The following CDH13 variants were observed in gnomAD, a reference collection of about 807,000 sequenced individuals.
CDH13 encodes the protein cadherin-13.
In CDH13, 24 loss-of-function variants were observed where a neutral mutation model predicts 63.8. The observed-to-expected ratio is 0.38, with a 90% confidence interval of 0.27 to 0.53. CDH13 has a LOEUF of 0.53. CDH13 is among the 20% of genes least tolerant of loss of function. CDH13 has a pLI of 0.85. For missense variants in CDH13, 1,049 were observed against 903.1 expected (o/e 1.16, Z -2.07); for synonymous variants, 503 against 355.3 (o/e 1.42, Z -4.67).
chr16:82,877,778 A>G (rs11150507), intron 2 of CDH13, among the ~76,000 whole-genome samples: 113,841 of 151,132 alleles, frequency 0.75, 43,156 homozygotes, highest in East Asian at 0.88. Flanking sequence ...CTTGCTTTAC[A>G]CACAGCCACC....
intron 6 of CDH13, among the ~76,000 whole-genome samples, chr16:83,434,624 T>C (rs1598011867): frequency 6.6e-6 from 1 of 152,102 alleles, no homozygotes; most frequent in African/African-American, 2.4e-5. Context: ...CACAGTGAGA[T>C]ACCAATCAGT....
At chr16:83,003,957 A>G (rs1404248700) in intron 2 of CDH13, among the ~76,000 whole-genome samples, 1 of 152,186 alleles carries the variant, frequency 6.6e-6, no homozygotes, top group Non-Finnish European at 1.5e-5. Flanking sequence ...TAAATACTGT[A>G]CTTCCTTATC....
At chr16:82,822,202 T>G (rs60068123) in intron 1 of CDH13, among the ~76,000 whole-genome samples, 11,597 of 152,112 alleles carry the variant, frequency 0.076, 538 homozygotes, top group Middle Eastern at 0.12. Flanking sequence ...TATAAAAAAA[T>G]AAATAAAACT....
chr16:83,364,459 T>A (rs567246417), intron 6 of CDH13, among the ~76,000 whole-genome samples: 1 of 152,214 alleles, frequency 6.6e-6, no homozygotes, highest in Non-Finnish European at 1.5e-5. Flanking sequence ...GATAAGGACC[T>A]GAACCTAGTA....
chr16:83,514,707 C>G (rs2074660919), intron 7 of CDH13, among the ~76,000 whole-genome samples: 1 of 151,984 alleles, frequency 6.6e-6, no homozygotes, highest in Admixed American at 6.6e-5. Context: ...GAGAGAAGGC[C>G]AAGTAAAGTT....
rs555026236 is a variant in CDH13, at chr16:83,454,386, C to T, written c.782-32091C>T. ...TTACCTTTTTTAATTCAGAAAATACCTTTTCAATATTGACACTAGAAATCA... is the reference window on the plus strand; with the variant it reads ...TTACCTTTTTTAATTCAGAAAATACTTTTTCAATATTGACACTAGAAATCA... On this transcript the variant is annotated intron_variant, in intron 6 of 13. Transcript: ENST00000567109. Among the ~76,000 whole-genome samples the T allele has an allele frequency of 3.9e-5, 6 of 152,256 alleles. No individual in the cohort carries two copies. In the South Asian group the frequency reaches 1.2e-3, roughly 32 times the overall value.
At chr16:82,839,774 G>A (rs1322933160) in intron 1 of CDH13, among the ~76,000 whole-genome samples, 1 of 152,136 alleles carries the variant, frequency 6.6e-6, no homozygotes, top group Admixed American at 6.5e-5. Flanking sequence ...TACTGTAGAG[G>A]CTCTTCACAT....
At chr16:83,352,396 A>G (rs2090971535) in intron 6 of CDH13, among the ~76,000 whole-genome samples, 1 of 152,212 alleles carries the variant, frequency 6.6e-6, no homozygotes. Flanking sequence ...ACTGTATGGA[A>G]AGGAGGATGG....
chr16:83,479,849 A>T (rs1013273465), intron 6 of CDH13, among the ~76,000 whole-genome samples: 5 of 152,246 alleles, frequency 3.3e-5, no homozygotes, highest in Admixed American at 2.6e-4. Context: ...GGGCCATAGC[A>T]CATAAATAGA....
intron 3 of CDH13, among the ~76,000 whole-genome samples, chr16:83,065,406 G>T (rs181743395): frequency 6.6e-6 from 1 of 152,166 alleles, no homozygotes; most frequent in East Asian, 1.9e-4. Flanking sequence ...CAAAGAAACA[G>T]ATATAGACCA....
At chr16:83,675,075 G>GA (rs1410240004) in intron 9 of CDH13, among the ~76,000 whole-genome samples, 3 of 152,106 alleles carry the variant, frequency 2.0e-5, no homozygotes, top group Non-Finnish European at 4.4e-5. Flanking sequence ...CTTGTCACTT[G>GA]AAAAAATATT....
At chr16:83,198,273 G>T (rs2151762835) in intron 4 of CDH13, among the ~76,000 whole-genome samples, 1 of 151,100 alleles carries the variant, frequency 6.6e-6, no homozygotes. Flanking sequence ...GTCTCCTCAT[G>T]ATTTCTTTCT....
chr16:83,187,533 T>G (rs943842959), intron 4 of CDH13, among the ~76,000 whole-genome samples: 1 of 152,022 alleles, frequency 6.6e-6, no homozygotes, highest in African/African-American at 2.4e-5. Flanking sequence ...TCAGGGACTT[T>G]AGGATGTAGA....
chr16:83,675,597 C>T (rs1261777858), intron 9 of CDH13, among the ~76,000 whole-genome samples: 1 of 152,184 alleles, frequency 6.6e-6, no homozygotes, highest in Non-Finnish European at 1.5e-5. Context: ...CCAGGCCTAG[C>T]TCCATGGGAA....
At chr16:82,632,293 A>C (rs565606292) in intron 1 of CDH13, among the ~76,000 whole-genome samples, 1 of 152,278 alleles carries the variant, frequency 6.6e-6, no homozygotes, top group African/African-American at 2.4e-5. Flanking sequence ...AAATTGATGC[A>C]GTTTATTTCT....
chr16:82,937,247 A>G (rs945735568), intron 2 of CDH13, among the ~76,000 whole-genome samples: 2 of 152,114 alleles, frequency 1.3e-5, no homozygotes, highest in African/African-American at 4.8e-5. Flanking sequence ...TGCTAGCCTC[A>G]CAGATATACA....
At chr16:83,776,713 C>A (rs922145010) in intron 11 of CDH13, among the ~76,000 whole-genome samples, 8 of 152,168 alleles carry the variant, frequency 5.3e-5, no homozygotes, top group African/African-American at 1.9e-4. Context: ...GGTTACTTCT[C>A]TTCACTTCTT....
intron 4 of CDH13, among the ~76,000 whole-genome samples, chr16:83,157,621 G>A (rs184108424): frequency 1.6e-4 from 24 of 151,998 alleles, no homozygotes; most frequent in South Asian, 6.2e-4. Flanking sequence ...CCGGCCGGGC[G>A]CGGTGGTTCA....
chr16:82,798,291 A>G (rs915258586), intron 1 of CDH13, among the ~76,000 whole-genome samples: 2 of 152,192 alleles, frequency 1.3e-5, no homozygotes, highest in Non-Finnish European at 1.5e-5. Context: ...TAGGAGCCGC[A>G]CACTCAGTAA....
Sources: allele counts gnomAD v4.1 joint callset (sites outside exome capture counted in the v4.1 genomes callset), GRCh38; gene constraint gnomAD v4.1.1; transcripts MANE v1.5; gene names NCBI Gene and HGNC (gene_info 2026-07-23, HGNC 2026-07-21).